FHIT: variants seen among roughly 807,000 people sequenced by gnomAD.
The protein encoded by FHIT is bis(5'-adenosyl)-triphosphatase.
Under a neutral mutation model 17.9 loss-of-function variants are expected in FHIT, and 19 were observed. The ratio of observed to expected loss-of-function variants is 1.06; its 90% confidence interval spans 0.74 to 1.56. FHIT has a LOEUF of 1.56. Ranked by LOEUF, FHIT falls within the 40% of genes most tolerant of loss-of-function variation. The pLI, the probability that FHIT is intolerant of heterozygous loss-of-function variation, is 0.00. For synonymous variants in FHIT, 81 were observed against 69.7 expected, an observed-to-expected ratio of 1.16 and a Z score of -0.81; for missense variants, 248 against 189.2, an observed-to-expected ratio of 1.31 and a Z score of -1.82.
At chr3:60,318,643 G>A (rs1051881420) in intron 5 of FHIT, among the ~76,000 whole-genome samples, 24 of 152,138 alleles carry the variant, frequency 1.6e-4, no homozygotes, top group African/African-American at 4.6e-4. Context: ...ACTTGACTCC[G>A]AGTCAGCAGA....
At chr3:59,932,699 G>C (rs1490909246) in intron 7 of FHIT, among the ~76,000 whole-genome samples, 1 of 151,874 alleles carries the variant, frequency 6.6e-6, no homozygotes, top group Admixed American at 6.6e-5. Context: ...GCAATAAACA[G>C]AACAAAATGA....
chr3:60,089,804 C>G (rs1703654296), intron 5 of FHIT, among the ~76,000 whole-genome samples: 1 of 152,156 alleles, frequency 6.6e-6, no homozygotes, highest in Admixed American at 6.5e-5. Context: ...TCGGAGGAAA[C>G]AAGTGATCAC....
chr3:60,272,982 G>A (rs1388137190), intron 5 of FHIT, among the ~76,000 whole-genome samples: 2 of 152,144 alleles, frequency 1.3e-5, no homozygotes, highest in African/African-American at 4.8e-5. Context: ...AAATCAATTC[G>A]CCTAGGTAGC....
Position 61,056,327 on chromosome 3 carries a change from G to A in FHIT, c.-163-14228C>T, listed in dbSNP as rs147603097. Among the ~76,000 whole-genome samples the A allele has an allele frequency of 1.2e-3, 180 of 152,320 alleles. 2 individuals carry two copies. The highest frequency in any genetic ancestry group is 4.0e-3 in the African/African-American group (166 of 41,578). ...ATTAGGGACCCAGCCAAAAGGAAGC[G>A]AGGTTGAAGAGCAAGAGTGTTTATT... On this transcript the variant is annotated intron_variant, in intron 2 of 9. Transcript: ENST00000492590.
intron 8 of FHIT, among the ~76,000 whole-genome samples, chr3:59,862,480 A>T (rs1432517524): frequency 1.3e-5 from 2 of 152,014 alleles, no homozygotes; most frequent in Non-Finnish European, 2.9e-5. Context: ...ATCCAGCAAG[A>T]CTCACTTGCT....
chr3:60,858,323 T>C (rs747046112), intron 3 of FHIT, among the ~76,000 whole-genome samples: 6 of 152,136 alleles, frequency 3.9e-5, no homozygotes, highest in Non-Finnish European at 7.4e-5. Context: ...CCCATTTCAA[T>C]GGCACAAAAT....
chr3:59,892,442 C>A lies in FHIT; in HGVS notation c.348+29904G>T, dbSNP rs549060565. On this transcript the variant is annotated intron_variant, in intron 8 of 9. Coordinates refer to ENST00000492590, the MANE Select transcript of FHIT (RefSeq NM_002012.4). ...CTTTTTTAAATATAATGCCTGCCAGCCAAGATTGATAAATTATTTTGGTCA... is the reference window on the plus strand; with the variant it reads ...CTTTTTTAAATATAATGCCTGCCAGACAAGATTGATAAATTATTTTGGTCA... 1.9e-4 allele frequency among the ~76,000 whole-genome samples: 29 copies of A among 152,258 alleles called. 1 individual carries two copies. In the South Asian group the frequency reaches 6.0e-3, roughly 32 times the overall value.
At chr3:59,820,070 C>T (rs1700735818) in intron 8 of FHIT, among the ~76,000 whole-genome samples, 1 of 152,216 alleles carries the variant, frequency 6.6e-6, no homozygotes, top group African/African-American at 2.4e-5. Context: ...AGAACTATGA[C>T]TAATAAACTT....
intron 3 of FHIT, among the ~76,000 whole-genome samples, chr3:60,924,308 C>G (rs572966260): frequency 1.2e-4 from 19 of 152,294 alleles, no homozygotes; most frequent in Admixed American, 2.6e-4. Context: ...AGGCACCCCC[C>G]AGTAGGGGCA....
rs186556272 is a variant in FHIT at position 60,705,858 on chromosome 3, T to A, written c.-18+116061A>T. On this transcript the variant is annotated intron_variant, in intron 4 of 9. Transcript: ENST00000492590. ...AAGTCCTAGCTGACCCTCTTAATAC[T>A]GTGACCTCTCTGTTGTATAATAAAG... Among the ~76,000 whole-genome samples, 30 of 152,322 alleles carry A rather than the reference T, an allele frequency of 2.0e-4. No homozygotes were observed. In the East Asian group the frequency reaches 5.8e-3, roughly 29 times the overall value.
chr3:61,130,220 T>A (rs1821943), intron 2 of FHIT, among the ~76,000 whole-genome samples: 106,928 of 152,118 alleles, frequency 0.7, 38,200 homozygotes, highest in Middle Eastern at 0.76. Flanking sequence ...AAAAGAAACG[T>A]CTGCTACCTA....
chr3:61,036,938 G>A (rs957647925), intron 3 of FHIT, among the ~76,000 whole-genome samples: 4 of 139,194 alleles, frequency 2.9e-5, no homozygotes, highest in Non-Finnish European at 6.0e-5. Flanking sequence ...TTGAGATGGA[G>A]TCTCGCTCTT....
intron 8 of FHIT, among the ~76,000 whole-genome samples, chr3:59,914,506 T>C (rs1438962665): frequency 1.3e-5 from 2 of 152,206 alleles, no homozygotes; most frequent in Non-Finnish European, 2.9e-5. Flanking sequence ...GATTTATTTA[T>C]ACAGGTTGTT....
chr3:60,030,881 G>A (rs926364346), intron 5 of FHIT, among the ~76,000 whole-genome samples: 1 of 152,194 alleles, frequency 6.6e-6, no homozygotes, highest in Non-Finnish European at 1.5e-5. Flanking sequence ...TATTATTTTA[G>A]TAAGTAGAGA....
intron 7 of FHIT, among the ~76,000 whole-genome samples, chr3:60,001,100 T>C (rs1347709108): frequency 6.6e-6 from 1 of 152,186 alleles, no homozygotes. Flanking sequence ...TTCCATTTCA[T>C]AACACCTTGT....
chr3:59,768,615 C>A (rs1248041936), intron 8 of FHIT, among the ~76,000 whole-genome samples: 1,787 of 152,304 alleles, frequency 0.012, 2 homozygotes, highest in African/African-American at 0.041. Context: ...TCTTTGACTT[C>A]CCAGACATCA....
chr3:60,809,411 C>T (rs1384067445), intron 4 of FHIT, among the ~76,000 whole-genome samples: 1 of 151,996 alleles, frequency 6.6e-6, no homozygotes, highest in Non-Finnish European at 1.5e-5. Flanking sequence ...GGTCTTTTCC[C>T]CCTAAATAAA....
chr3:60,932,256 A>C (rs1475944998), intron 3 of FHIT, among the ~76,000 whole-genome samples: 7 of 152,176 alleles, frequency 4.6e-5, no homozygotes, highest in African/African-American at 1.7e-4. Context: ...CAAAGCTCAC[A>C]CAGGATAAGT....
intron 5 of FHIT, among the ~76,000 whole-genome samples, chr3:60,205,878 G>T (rs560596896): frequency 2.0e-5 from 3 of 151,806 alleles, no homozygotes; most frequent in Admixed American, 6.6e-5. Flanking sequence ...GGAGGCCGAG[G>T]GGGGCAGATC....
Sources: allele counts gnomAD v4.1 joint callset (sites outside exome capture counted in the v4.1 genomes callset), GRCh38; gene constraint gnomAD v4.1.1; transcripts MANE v1.5; gene names NCBI Gene and HGNC (gene_info 2026-07-23, HGNC 2026-07-21).